The following HSD17B4 variants were observed in gnomAD, a reference collection of about 807,000 sequenced individuals.
The protein encoded by HSD17B4 is hydroxysteroid 17-beta dehydrogenase 4.
In HSD17B4, 70 loss-of-function variants were observed where a neutral mutation model predicts 101.0. The ratio of observed to expected loss-of-function variants is 0.69; its 90% CI spans 0.57 to 0.85. HSD17B4 has a LOEUF of 0.85. Among genes scored for constraint, HSD17B4 ranks in the 40% least tolerant of loss-of-function variants. HSD17B4 has a pLI of 0.00. For synonymous variants in HSD17B4, 347 were observed against 297.1 expected (o/e 1.17, Z -1.73); for missense variants, 984 against 892.4 (o/e 1.10, Z -1.31).
chr5:119,512,697 T>C (rs945316456), intron 16 of HSD17B4, among the ~76,000 whole-genome samples: 5 of 152,250 alleles, frequency 3.3e-5, no homozygotes, highest in African/African-American at 7.2e-5. Context: ...TCTTGCCTTA[T>C]AAGAAATCCT....
chr5:119,526,082 A>G, intron 19 of HSD17B4, 59 bp downstream of exon 19: 1 of 965,820 alleles, frequency 1.0e-6, no homozygotes, highest in South Asian at 1.3e-5. Flanking sequence ...TTTAGAGAAG[A>G]AAAGGGGTTT....
intron 8 of HSD17B4, among the ~76,000 whole-genome samples, chr5:119,480,154 A>G (rs562057500): frequency 8.5e-5 from 13 of 152,178 alleles, no homozygotes; most frequent in Admixed American, 2.6e-4. Flanking sequence ...TGAGATGTCT[A>G]TTCACATCTT....
chr5:119,526,669 T>C (rs1237608969), intron 19 of HSD17B4, among the ~76,000 whole-genome samples: 7 of 151,992 alleles, frequency 4.6e-5, no homozygotes, highest in Non-Finnish European at 4.4e-5. Flanking sequence ...ATGCTTTTCA[T>C]TTTGTTACAA....
At position 119,478,965 on chromosome 5, in the gene HSD17B4, G is replaced by GT; in HGVS notation, c.567dup (p.Asn190Ter). On this transcript the variant is annotated frameshift_variant, in exon 8 of 24. Transcript: ENST00000510025. LOFTEE classifies it high-confidence loss of function. ...GAAGGCAGGAAAAGCAACATTCATT[G>GT]TAACACCATTGCTCCTAATGCGGGA... 1 of 1,613,694 alleles carries GT rather than the reference G, an allele frequency of 6.2e-7. No individual in the cohort carries two copies. Among genetic ancestry groups the GT allele is most frequent in the South Asian group, 1.1e-5 (1 of 91,074 alleles).
chr5:119,494,005 C>G, intron 11 of HSD17B4, 59 bp downstream of exon 11: 2 of 1,572,726 alleles, frequency 1.3e-6, no homozygotes, highest in Non-Finnish European at 1.7e-6. Flanking sequence ...CAAGCATTTT[C>G]TTCTCTTATG....
Position 119,525,349 on chromosome 5 carries a change from TA to T in HSD17B4, c.1573+67del, listed in dbSNP as rs1193085444. On this transcript the variant is annotated intron_variant, in intron 18 of 23. Coordinates refer to ENST00000510025, the MANE Select transcript of HSD17B4 (RefSeq NM_000414.4). The stretch of plus-strand genomic sequence containing the variant: ...CTATTCGATATTTAATTAAATAATG[TA>T]AAGACACTACTACTTATGACTGGTA... 3.1e-6 allele frequency: 3 copies of T among 969,808 alleles called. No homozygotes were observed. The African/African-American group carries it at 4.9e-5, about 16-fold the overall frequency. The allele number at this position is 969,808 out of a possible 1,614,324, so 60.1% of individuals were successfully genotyped here.
intron 2 of HSD17B4, among the ~76,000 whole-genome samples, chr5:119,473,071 G>A (rs925908571): frequency 6.6e-6 from 1 of 151,968 alleles, no homozygotes; most frequent in Admixed American, 6.6e-5. Context: ...ATTGTGAATT[G>A]TGTTGCAGTG....
At chr5:119,524,376 T>C (rs997744099) in intron 17 of HSD17B4, among the ~76,000 whole-genome samples, 9 of 152,146 alleles carry the variant, frequency 5.9e-5, no homozygotes, top group African/African-American at 2.2e-4. Context: ...TAAAAAGATA[T>C]GGCTAGTCTT....
chr5:119,536,287 A>G, intron 22 of HSD17B4, 136 bp from the exon 23 acceptor site: 1 of 780,068 alleles, frequency 1.3e-6, no homozygotes, highest in Non-Finnish European at 2.2e-6. Flanking sequence ...TGTATAATTG[A>G]TAGATAGAAT....
Position 119,493,821 on chromosome 5 carries a change from G to A in HSD17B4, c.743G>A (p.Arg248His), listed in dbSNP as rs748057401. 1.8e-5 allele frequency: 29 copies of A among 1,612,560 alleles called. No individual in the cohort carries two copies. The highest frequency in any genetic ancestry group is 2.3e-5 in the Non-Finnish European group (27 of 1,179,012). Reference sequence around the variant, plus strand: ...TTAGTTTTGTTTCTATAACCAGTACGCTGGGAGCGGACTCTTGGAGCTATT... The same window carrying A: ...TTAGTTTTGTTTCTATAACCAGTACACTGGGAGCGGACTCTTGGAGCTATT... ...EVGAGWIGKL[R>H]WERTLGAIVR... The change falls in exon 11 of 24, where the codon CGC becomes CAC. Residue 248 changes from arginine (R) to histidine (H), a missense_variant. Transcript: ENST00000510025.
chr5:119,527,109 T>G, intron 19 of HSD17B4, 24 bp from the exon 20 acceptor site: 1 of 1,421,742 alleles, frequency 7.0e-7, no homozygotes, highest in Non-Finnish European at 9.9e-7. Context: ...AAAACATTTT[T>G]AACCCCACAA....
At chr5:119,452,654 G>A (rs778526066) in intron 1 of HSD17B4, 21 bp downstream of exon 1, 2 of 1,613,572 alleles carry the variant, frequency 1.2e-6, no homozygotes, top group Admixed American at 1.7e-5. Context: ...GAAGGTTGGA[G>A]GCCGCGCCCC....
chr5:119,456,377 G>A lies in HSD17B4; in HGVS notation c.112+9G>A. On this transcript the variant is annotated intron_variant, in intron 2 of 23. Transcript: ENST00000510025. ...AGGAGCGTTAGTTGTTGGTAAGTTG[G>A]TGTGTTTTTCTTTTTAATCTGTAGC... 1 of 1,584,074 alleles carries A rather than the reference G, an allele frequency of 6.3e-7. No individual in the cohort carries two copies. Among genetic ancestry groups the A allele is most frequent in the Non-Finnish European group, 8.7e-7 (1 of 1,152,598 alleles).
intron 2 of HSD17B4, chr5:119,456,596 T>C (rs1191979499): frequency 9.4e-6 from 5 of 531,484 alleles, no homozygotes; most frequent in Non-Finnish European, 1.7e-5. Context: ...AACGAAGGGC[T>C]AGGGGGTAGG....
intron 7 of HSD17B4, chr5:119,477,800 T>C: frequency 2.8e-6 from 1 of 351,766 alleles, no homozygotes; most frequent in Non-Finnish European, 5.4e-6. Context: ...TTGTCCAGGC[T>C]GGAGTACAGT....
In HSD17B4 at chr5:119,526,120, T is replaced by C. The variant is rs1753572889; in HGVS notation, c.1680+97T>C. 1.0e-5 allele frequency: 8 copies of C among 772,114 alleles called. No individual in the cohort carries two copies. In the South Asian group the frequency reaches 1.1e-4, roughly 11 times the overall value. The allele number at this position is 772,114 out of a possible 1,614,324, so 47.8% of individuals were successfully genotyped here. A position where few individuals can be genotyped will look rare whatever the true frequency, so the allele number is the denominator to read the frequency against. On this transcript the variant is annotated intron_variant, in intron 19 of 23. Coordinates refer to ENST00000510025, the MANE Select transcript of HSD17B4 (RefSeq NM_000414.4). ...GTGATTTAATTGAAAATAGATATTG[T>C]ACTACAGCAATGTACATTTTTATTA...
At chr5:119,453,047 G>T (rs1037735159) in intron 1 of HSD17B4, among the ~76,000 whole-genome samples, 5 of 152,254 alleles carry the variant, frequency 3.3e-5, no homozygotes, top group South Asian at 2.1e-4. Flanking sequence ...TTCGCCCCCT[G>T]AAGCGCAGAG....
chr5:119,515,632 A>G (rs1191704484), intron 17 of HSD17B4, among the ~76,000 whole-genome samples: 2 of 152,192 alleles, frequency 1.3e-5, no homozygotes, highest in Non-Finnish European at 2.9e-5. Flanking sequence ...TTTGTTTAAG[A>G]AACAAAAGGC....
intron 14 of HSD17B4, among the ~76,000 whole-genome samples, chr5:119,503,347 G>T (rs1355384709): frequency 6.6e-6 from 1 of 152,008 alleles, no homozygotes; most frequent in Non-Finnish European, 1.5e-5. Context: ...GAATAGGAAG[G>T]TGTAGAGAAT....
Sources: allele counts gnomAD v4.1 joint callset (sites outside exome capture counted in the v4.1 genomes callset), GRCh38; gene constraint gnomAD v4.1.1; transcripts MANE v1.5; gene names NCBI Gene and HGNC (gene_info 2026-07-23, HGNC 2026-07-21).